The following FRMD4A variants were observed in gnomAD, a reference collection of about 807,000 sequenced individuals.
The protein encoded by FRMD4A is FERM domain containing 4A.
Under a neutral mutation model 129.1 loss-of-function variants are expected in FRMD4A, and 29 were observed. The ratio of observed to expected loss-of-function variants is 0.22; its 90% CI spans 0.17 to 0.31. FRMD4A has a LOEUF of 0.31. FRMD4A is among the 10% of genes least tolerant of loss of function. The probability of loss-of-function intolerance (pLI) is 1.00; values close to 1 mark genes in which losing one functional copy is unlikely to be tolerated. For missense variants in FRMD4A, 1,272 were observed against 1,375.8 expected (o/e 0.92, Z 1.19); for synonymous variants, 634 against 571.6 (o/e 1.11, Z -1.56).
At position 13,802,003 on chromosome 10, in the gene FRMD4A, C is replaced by CAAAAAAAAAAAAAAA. The variant is rs11426622; in HGVS notation, c.207-5430_207-5416dup. Among the ~76,000 whole-genome samples, 8 of 109,500 alleles carry CAAAAAAAAAAAAAAA rather than the reference C, an allele frequency of 7.3e-5. 1 individual carries two copies. Among genetic ancestry groups the CAAAAAAAAAAAAAAA allele is most frequent in the African/African-American group, 2.0e-4 (6 of 29,762 alleles). 71.8% of individuals were successfully genotyped at this position (109,500 alleles called of 152,430 possible). A position where few individuals can be genotyped will look rare whatever the true frequency, so the allele number is the denominator to read the frequency against. On this transcript the variant is annotated intron_variant, in intron 4 of 24. Transcript: ENST00000357447. Reference sequence around the variant, plus strand: ...TTCATTGCCTTTGCCAATAATAATGCAAAAAAAAAAAAAAAAAAAGCATCC... The same window carrying CAAAAAAAAAAAAAAA: ...TTCATTGCCTTTGCCAATAATAATGCAAAAAAAAAAAAAAAAAAAAAAAAAAAAAAAAAAGCATCC...
intron 2 of FRMD4A, among the ~76,000 whole-genome samples, chr10:14,257,214 C>T (rs1409404123): frequency 6.6e-6 from 1 of 152,120 alleles, no homozygotes; most frequent in African/African-American, 2.4e-5. Flanking sequence ...GCCCATAATC[C>T]CAGCTAACCA....
At chr10:14,245,487 A>C (rs1844200777) in intron 2 of FRMD4A, among the ~76,000 whole-genome samples, 2 of 152,180 alleles carry the variant, frequency 1.3e-5, no homozygotes, top group African/African-American at 2.4e-5. Context: ...GAAGCTGCTC[A>C]AGTCCTGTTG....
chr10:13,696,463 C>G (rs2086233531), intron 14 of FRMD4A, among the ~76,000 whole-genome samples: 1 of 152,202 alleles, frequency 6.6e-6, no homozygotes, highest in Non-Finnish European at 1.5e-5. Flanking sequence ...TGAATTAGAG[C>G]TGGGCATGGT....
At chr10:14,197,067 G>C (rs1211842150) in intron 2 of FRMD4A, among the ~76,000 whole-genome samples, 2 of 152,116 alleles carry the variant, frequency 1.3e-5, no homozygotes, top group South Asian at 4.1e-4. Flanking sequence ...GAAACATCCC[G>C]ATGGATATTT....
intron 2 of FRMD4A, among the ~76,000 whole-genome samples, chr10:14,189,164 A>G (rs1352371902): frequency 6.6e-6 from 1 of 152,234 alleles, no homozygotes; most frequent in Non-Finnish European, 1.5e-5. Flanking sequence ...ATGCTGCAGC[A>G]TTGCTACGAT....
At chr10:13,771,929 C>CAAACA (rs1554889290) in intron 6 of FRMD4A, among the ~76,000 whole-genome samples, 1 of 151,132 alleles carries the variant, frequency 6.6e-6, no homozygotes, top group Non-Finnish European at 1.5e-5. Context: ...GAAACAAAAC[C>CAAACA]AAACAAAACA....
intron 2 of FRMD4A, among the ~76,000 whole-genome samples, chr10:14,294,505 C>A (rs559353137): frequency 6.6e-6 from 1 of 152,128 alleles, no homozygotes; most frequent in Non-Finnish European, 1.5e-5. Flanking sequence ...TCACTATAGG[C>A]GTTATTATTA....
At chr10:13,800,582 T>C (rs12416442) in intron 4 of FRMD4A, among the ~76,000 whole-genome samples, 1,898 of 152,306 alleles carry the variant, frequency 0.012, 97 homozygotes, top group East Asian at 0.12. Context: ...GATTAGTCAA[T>C]GGTCCAGGCT....
chr10:13,657,427 G>A lies in FRMD4A; in HGVS notation c.2162C>T (p.Ser721Leu), dbSNP rs866004551. ...GTCGGGGCTCCCGGTGTCGTTTTCCGAGCCCAGGAGCTTGCCCTGGGACTC... is the reference window on the plus strand; with the variant it reads ...GTCGGGGCTCCCGGTGTCGTTTTCCAAGCCCAGGAGCTTGCCCTGGGACTC... ...SLESQGKLLG[S>L]ENDTGSPDFY... The change falls in exon 22 of 25, where the codon TCG (serine) becomes TTG (leucine). Residue 721 changes from serine (S) to leucine (L), a missense_variant. Ser to Leu is a moderately radical substitution (Grantham distance 145). This residue lies in a region of FRMD4A where 972 missense variants were observed against 892.3 expected (regional missense o/e 1.09). Transcript: ENST00000357447. The A allele has an allele frequency of 7.5e-6, 12 of 1,609,380 alleles. No homozygotes were observed. The African/African-American group carries it at 1.2e-4, about 16-fold the overall frequency.
chr10:14,319,399 T>C (rs1846888664), intron 2 of FRMD4A, among the ~76,000 whole-genome samples: 1 of 105,796 alleles, frequency 9.5e-6, no homozygotes, highest in Non-Finnish European at 2.0e-5. Context: ...GATAAATACA[T>C]ACAGCCACCT....
intron 2 of FRMD4A, among the ~76,000 whole-genome samples, chr10:14,205,685 T>C (rs1842760559): frequency 6.6e-6 from 1 of 151,632 alleles, no homozygotes; most frequent in Non-Finnish European, 1.5e-5. Flanking sequence ...CAGGCACCTG[T>C]AGTCCCAGCT....
At chr10:13,940,041 T>G (rs534010564) in intron 2 of FRMD4A, among the ~76,000 whole-genome samples, 1 of 152,232 alleles carries the variant, frequency 6.6e-6, no homozygotes, top group Non-Finnish European at 1.5e-5. Flanking sequence ...CGGTCCACCA[T>G]GAGCCATTTG....
At chr10:13,804,532 T>TTTCG (rs1169647662) in intron 4 of FRMD4A, among the ~76,000 whole-genome samples, 2 of 151,064 alleles carry the variant, frequency 1.3e-5, no homozygotes, top group Non-Finnish European at 2.9e-5. Context: ...TTTTTCTTTC[T>TTTCG]TTCTTTCTTT....
At chr10:14,245,367 G>C (rs933017925) in intron 2 of FRMD4A, among the ~76,000 whole-genome samples, 1 of 152,184 alleles carries the variant, frequency 6.6e-6, no homozygotes, top group African/African-American at 2.4e-5. Context: ...GATGACCAAG[G>C]GATTGCTTTG....
At chr10:14,174,819 A>G (rs1157558130) in intron 2 of FRMD4A, among the ~76,000 whole-genome samples, 1 of 151,950 alleles carries the variant, frequency 6.6e-6, no homozygotes, top group Non-Finnish European at 1.5e-5. Flanking sequence ...AGTTTCAAAA[A>G]CAGATTTATG....
At chr10:14,286,331 C>T (rs1278599300) in intron 2 of FRMD4A, among the ~76,000 whole-genome samples, 1 of 152,160 alleles carries the variant, frequency 6.6e-6, no homozygotes, top group Non-Finnish European at 1.5e-5. Context: ...TGAATGGAAG[C>T]ATGGGAAGGA....
At chr10:13,913,779 T>C (rs1316854771) in intron 2 of FRMD4A, among the ~76,000 whole-genome samples, 2 of 152,154 alleles carry the variant, frequency 1.3e-5, no homozygotes, top group African/African-American at 4.8e-5. Context: ...ATACAGTTAG[T>C]GAACAAAATA....
chr10:13,943,646 CAAAAAAAAAAAAAAAAAA>C (rs55774636), intron 2 of FRMD4A, among the ~76,000 whole-genome samples: 1 of 58,268 alleles, frequency 1.7e-5, no homozygotes, highest in Non-Finnish European at 2.8e-5. Context: ...GACTCTGTCT[CAAAAAAAAAAAAAAAAAA>C]AAAAAAAAAA....
chr10:13,766,855 A>G lies in FRMD4A; in HGVS notation c.385-4175T>C, dbSNP rs61257801. Among the ~76,000 whole-genome samples, 760 of 152,312 alleles carry G rather than the reference A, an allele frequency of 5.0e-3. 6 individuals carry two copies. The highest frequency in any genetic ancestry group is 0.016 in the African/African-American group (660 of 41,578). On this transcript the variant is annotated intron_variant, in intron 6 of 24. Coordinates refer to ENST00000357447, the MANE Select transcript of FRMD4A (RefSeq NM_018027.5). The stretch of plus-strand genomic sequence containing the variant: ...TTTGGGAGACCGAGGAGGGCAGATC[A>G]TGAGGTCAAGAGATTGATACCATCC...
Sources: allele counts gnomAD v4.1 joint callset (sites outside exome capture counted in the v4.1 genomes callset), GRCh38; gene constraint gnomAD v4.1.1; regional missense constraint gnomAD v4.1.1; transcripts MANE v1.5; gene names NCBI Gene and HGNC (gene_info 2026-07-23, HGNC 2026-07-21).